Variants in KSR2 observed in about 807,000 individuals in gnomAD.
The protein encoded by KSR2 is kinase suppressor of ras 2.
A neutral mutation model predicts 107.8 loss-of-function variants in KSR2; 25 were observed. That is an observed-to-expected ratio of 0.23 (90% confidence interval 0.17 to 0.32). The LOEUF (loss-of-function observed/expected upper bound fraction) is 0.32, where lower values mean the gene tolerates loss of function less well. Ranked by LOEUF, KSR2 falls within the 10% of genes least tolerant of loss-of-function variation. KSR2 has a pLI of 1.00. For missense variants in KSR2, 887 were observed against 1,268.9 expected (o/e 0.70, Z 4.57); for synonymous variants, 480 against 507.0 (o/e 0.95, Z 0.71).
intron 5 of KSR2, among the ~76,000 whole-genome samples, chr12:117,583,920 T>G (rs1879843673): frequency 6.6e-6 from 1 of 152,196 alleles, no homozygotes; most frequent in South Asian, 2.1e-4. Flanking sequence ...ACAGCAATTG[T>G]TATGGAGTGG....
chr12:117,677,756 G>C (rs1885195364), intron 4 of KSR2, among the ~76,000 whole-genome samples: 1 of 152,166 alleles, frequency 6.6e-6, no homozygotes, highest in African/African-American at 2.4e-5. Flanking sequence ...CTGCCAACTA[G>C]AATATGAGCT....
chr12:117,575,212 C>T (rs1442794863), intron 7 of KSR2, among the ~76,000 whole-genome samples: 1 of 152,194 alleles, frequency 6.6e-6, no homozygotes, highest in East Asian at 1.9e-4. Context: ...CTTTTATTCA[C>T]TCTTGTTTCC....
intron 4 of KSR2, among the ~76,000 whole-genome samples, chr12:117,740,628 ATG>A (rs1888176628): frequency 8.3e-6 from 1 of 120,532 alleles, no homozygotes; most frequent in Admixed American, 9.8e-5. Flanking sequence ...TATATTATAT[ATG>A]TAATATATAC....
intron 7 of KSR2, among the ~76,000 whole-genome samples, 180 bp from the exon 8 acceptor site, chr12:117,558,753 G>T (rs1877890099): frequency 7.0e-6 from 1 of 142,674 alleles, no homozygotes; most frequent in Non-Finnish European, 1.5e-5. Flanking sequence ...TTCACGGATG[G>T]ATGGGTAGGT....
At chr12:117,558,630 G>C (rs1877874667) in intron 7 of KSR2, 57 bp from the exon 8 acceptor site, 2 of 1,318,160 alleles carry the variant, frequency 1.5e-6, no homozygotes, top group South Asian at 2.4e-5. Flanking sequence ...TGAGCGGGTA[G>C]GTGGGTGGGT....
rs114549194 is a variant in KSR2 at position 117,657,269 on chromosome 12, A to G, written c.1171+10205T>C. 2.9e-3 allele frequency among the ~76,000 whole-genome samples: 439 copies of G among 152,124 alleles called. 1 individual carries two copies. The highest frequency in any genetic ancestry group is 0.01 in the African/African-American group (420 of 41,498). On this transcript the variant is annotated intron_variant, in intron 5 of 19. Coordinates refer to ENST00000339824, the MANE Select transcript of KSR2 (RefSeq NM_173598.6). ...TGCTGGGGCCATCTTGTCACCAAAT[A>G]GAGCATAAAAGTGAAGCCGACCTAA...
At chr12:117,940,850 C>G (rs779576136) in intron 1 of KSR2, among the ~76,000 whole-genome samples, 8 of 152,122 alleles carry the variant, frequency 5.3e-5, no homozygotes, top group Non-Finnish European at 1.2e-4. Context: ...CTTTGAGAGG[C>G]TGAGGCGGGT....
intron 4 of KSR2, among the ~76,000 whole-genome samples, chr12:117,676,508 AG>A (rs1885126439): frequency 6.6e-6 from 1 of 152,212 alleles, no homozygotes; most frequent in African/African-American, 2.4e-5. Context: ...AAGAAGGATG[AG>A]AAAAAGGAAG....
At chr12:117,936,428 G>A (rs1016160888) in intron 1 of KSR2, among the ~76,000 whole-genome samples, 3 of 152,126 alleles carry the variant, frequency 2.0e-5, no homozygotes, top group Non-Finnish European at 4.4e-5. Flanking sequence ...CTGTGCTCAT[G>A]TGATCCTCCC....
At chr12:117,951,759 C>T (rs1896370876) in intron 1 of KSR2, among the ~76,000 whole-genome samples, 1 of 152,158 alleles carries the variant, frequency 6.6e-6, no homozygotes, top group Admixed American at 6.5e-5. Flanking sequence ...GAGGGACTGG[C>T]CTCATTCCCT....
At chr12:117,946,566 T>C (rs540967664) in intron 1 of KSR2, among the ~76,000 whole-genome samples, 1 of 152,110 alleles carries the variant, frequency 6.6e-6, no homozygotes, top group African/African-American at 2.4e-5. Context: ...CTAAAAACAT[T>C]AAAGAAATTG....
At chr12:117,760,969 C>A (rs751467451) in intron 4 of KSR2, 42 bp downstream of exon 4, 2 of 1,610,180 alleles carry the variant, frequency 1.2e-6, no homozygotes, top group Non-Finnish European at 1.7e-6. Flanking sequence ...CCCTCGCAGG[C>A]CGGGTTTCGA....
intron 4 of KSR2, among the ~76,000 whole-genome samples, chr12:117,704,110 C>T (rs1886429444): frequency 6.6e-6 from 1 of 151,928 alleles, no homozygotes; most frequent in African/African-American, 2.4e-5. Context: ...GAGGGCATTT[C>T]ATATTCATAT....
chr12:117,895,720 C>T (rs1894489781), intron 1 of KSR2, among the ~76,000 whole-genome samples: 2 of 152,088 alleles, frequency 1.3e-5, no homozygotes, highest in South Asian at 2.1e-4. Context: ...CTAGAAATCC[C>T]GCTCATAGGT....
At chr12:117,596,173 C>A (rs1246599322) in intron 5 of KSR2, among the ~76,000 whole-genome samples, 3 of 152,024 alleles carry the variant, frequency 2.0e-5, no homozygotes, top group African/African-American at 7.3e-5. Context: ...GCTGGGGAGG[C>A]CTCACAATCA....
chr12:117,710,856 C>T (rs1479161283), intron 4 of KSR2, among the ~76,000 whole-genome samples: 5 of 152,180 alleles, frequency 3.3e-5, no homozygotes, highest in East Asian at 3.9e-4. Context: ...TCATCCATGT[C>T]GACCTTCTTT....
intron 2 of KSR2, among the ~76,000 whole-genome samples, chr12:117,856,211 A>G (rs9651902): frequency 0.027 from 4,179 of 152,290 alleles, 183 homozygotes; most frequent in African/African-American, 0.095. Flanking sequence ...ACTGGAGTAT[A>G]GCGTGGAGTG....
At chr12:117,668,834 T>C (rs1488812149) in intron 4 of KSR2, among the ~76,000 whole-genome samples, 1 of 152,194 alleles carries the variant, frequency 6.6e-6, no homozygotes, top group Non-Finnish European at 1.5e-5. Context: ...GTTCTCCTCT[T>C]GGGGACTCTT....
intron 3 of KSR2, among the ~76,000 whole-genome samples, chr12:117,779,717 C>T (rs1234449556): frequency 1.3e-5 from 2 of 152,114 alleles, no homozygotes; most frequent in Non-Finnish European, 2.9e-5. Flanking sequence ...TCTTTCCTGC[C>T]GCCTTGTGAA....
Sources: gnomAD v4.1 joint callset for allele counts (sites outside exome capture counted in the v4.1 genomes callset) on GRCh38, gnomAD v4.1.1 for gene constraint, MANE v1.5 for transcripts, NCBI Gene and HGNC (gene_info 2026-07-23, HGNC 2026-07-21) for gene names.